The following DNAJC25 variants were observed in gnomAD, a reference collection of about 807,000 sequenced individuals.
DNAJC25 encodes dnaJ homolog subfamily C member 25.
In DNAJC25, 26 loss-of-function variants were observed where a neutral mutation model predicts 42.1. That is an observed-to-expected ratio of 0.62 (90% CI 0.45 to 0.86). DNAJC25 has a LOEUF of 0.86. Ranked by LOEUF, DNAJC25 falls within the 40% of genes least tolerant of loss-of-function variation. The pLI, the probability that DNAJC25 is intolerant of heterozygous loss-of-function variation, is 0.00. For missense variants in DNAJC25, 404 were observed against 459.4 expected, an observed-to-expected ratio of 0.88 and a Z score of 1.10; for synonymous variants, 189 against 179.9, an observed-to-expected ratio of 1.05 and a Z score of -0.40.
chr9:111,645,659 C>T (rs1830558448), intron 1 of DNAJC25, among the ~76,000 whole-genome samples: 1 of 152,178 alleles, frequency 6.6e-6, no homozygotes, highest in Non-Finnish European at 1.5e-5. Context: ...TGTTGGAGGA[C>T]TCAGAAGGTG....
In DNAJC25 at chr9:111,631,486, C is replaced by T. The variant is rs1235221492; in HGVS notation, c.79C>T (p.Leu27=). ...CTGGTGGATGCTGCTGGCGCCCCTG[C>T]TGCCGGCGCTGCTGCTGGTGCGGCC... ...RRWWMLLAPL[L]PALLLVRPAG... The change falls in exon 1 of 4, where the codon CTG becomes TTG. Residue 27 remains leucine (L), a synonymous_variant. Transcript: ENST00000313525. The T allele has an allele frequency of 1.5e-6, 2 of 1,323,474 alleles. No individual in the cohort carries two copies. The highest frequency in any genetic ancestry group is 4.2e-5 in the Admixed American group (1 of 24,034). The allele number at this position is 1,323,474 out of a possible 1,614,324, so 82.0% of individuals were successfully genotyped here.
intron 1 of DNAJC25, chr9:111,642,773 T>C (rs1830502317): frequency 2.2e-6 from 1 of 461,760 alleles, no homozygotes; most frequent in African/African-American, 2.0e-5. Flanking sequence ...GGATGACCCT[T>C]TAAGAGAAGG....
chr9:111,651,523 A>C (rs780076716), intron 3 of DNAJC25, among the ~76,000 whole-genome samples: 5 of 152,170 alleles, frequency 3.3e-5, no homozygotes, highest in Admixed American at 3.3e-4. Flanking sequence ...TTTCTTTCCA[A>C]AATTTGATGT....
Position 111,653,600 on chromosome 9 carries a change from C to A in DNAJC25, c.*378C>A, listed in dbSNP as rs1441474877. ...TACCTTACTGTTTGTAATAGTGCTA[C>A]ATTTTTCTGCTTTCATGGCCTCTGT... On this transcript the variant is annotated 3_prime_UTR_variant, in exon 4 of 4. Coordinates refer to ENST00000313525, the MANE Select transcript of DNAJC25 (RefSeq NM_001015882.3). 2.0e-5 allele frequency: 3 copies of A among 153,696 alleles called. No homozygotes were observed. The East Asian group carries it at 5.7e-4, about 29-fold the overall frequency. 9.5% of individuals were successfully genotyped at this position (153,696 alleles called of 1,614,324 possible).
rs754682829 is a variant in DNAJC25 at position 111,649,525 on chromosome 9, G to A, written c.562G>A (p.Ala188Thr). The change falls in exon 3 of 4, where the codon GCT (alanine) becomes ACT (threonine). Residue 188 changes from alanine to threonine, a missense_variant. Transcript: ENST00000313525. Reference sequence around the variant, plus strand: ...CACAGTGCCCAAGTACCGTATCCAAGCTACAGAGATTGCCAAGCAGCAGGG... The same window carrying A: ...CACAGTGCCCAAGTACCGTATCCAAACTACAGAGATTGCCAAGCAGCAGGG... The part of the protein sequence containing the change: ...LATVPKYRIQ[A>T]TEIAKQQGLL... 23 of 1,613,936 alleles carry A rather than the reference G, an allele frequency of 1.4e-5. No individual in the cohort carries two copies. The South Asian group carries it at 2.5e-4, about 18-fold the overall frequency.
intron 3 of DNAJC25, among the ~76,000 whole-genome samples, chr9:111,652,849 A>G (rs1375315247): frequency 2.6e-5 from 4 of 152,128 alleles, no homozygotes; most frequent in Non-Finnish European, 4.4e-5. Flanking sequence ...GCCCGGCCAC[A>G]AAATTACTAG....
chr9:111,635,686 C>T (rs578057882), intron 1 of DNAJC25, among the ~76,000 whole-genome samples: 1 of 152,242 alleles, frequency 6.6e-6, no homozygotes, highest in East Asian at 1.9e-4. Context: ...TGGCATTTTG[C>T]AGGATCACAA....
intron 3 of DNAJC25, among the ~76,000 whole-genome samples, chr9:111,651,183 G>A (rs547157520): frequency 2.7e-5 from 4 of 148,386 alleles, no homozygotes; most frequent in South Asian, 4.2e-4. Flanking sequence ...AGAATCACTC[G>A]AACCAGGGAG....
rs144929651 is a variant in DNAJC25 at position 111,652,981 on chromosome 9, A to G, written c.961-119A>G. Reference sequence around the variant, plus strand: ...TAGTATTTTAGGTGAATGGTTATCAATACATTCACTGGAAACTTTTTACCT... The same window carrying G: ...TAGTATTTTAGGTGAATGGTTATCAGTACATTCACTGGAAACTTTTTACCT... On this transcript the variant is annotated intron_variant, in intron 3 of 3. Coordinates refer to ENST00000313525, the MANE Select transcript of DNAJC25 (RefSeq NM_001015882.3). 4.8e-4 allele frequency: 499 copies of G among 1,034,820 alleles called. 6 individuals carry two copies. The East Asian group carries it at 0.014, about 28-fold the overall frequency. The allele number at this position is 1,034,820 out of a possible 1,614,324, so 64.1% of individuals were successfully genotyped here.
chr9:111,631,368 C>T lies in DNAJC25; in HGVS notation c.-40C>T. 1.6e-6 allele frequency: 2 copies of T among 1,271,696 alleles called. No individual in the cohort carries two copies. Among genetic ancestry groups the T allele is most frequent in the Non-Finnish European group, 2.0e-6 (2 of 1,013,414 alleles). The allele number at this position is 1,271,696 out of a possible 1,614,324, so 78.8% of individuals were successfully genotyped here. Reference sequence around the variant, plus strand: ...TAGCCGGGCGCGCGGCTGAGTGCTGCAGAATCGCTGGGGTGGCAGAGCCGC... The same window carrying T: ...TAGCCGGGCGCGCGGCTGAGTGCTGTAGAATCGCTGGGGTGGCAGAGCCGC... On this transcript the variant is annotated 5_prime_UTR_variant, in exon 1 of 4. Coordinates refer to ENST00000313525, the MANE Select transcript of DNAJC25 (RefSeq NM_001015882.3).
intron 1 of DNAJC25, among the ~76,000 whole-genome samples, chr9:111,637,983 A>C (rs1830388437): frequency 1.3e-5 from 2 of 152,126 alleles, no homozygotes. Flanking sequence ...GATGAAACTC[A>C]ACTGTATCCT....
chr9:111,632,392 G>A (rs780619906), intron 1 of DNAJC25, among the ~76,000 whole-genome samples: 1 of 152,142 alleles, frequency 6.6e-6, no homozygotes, highest in Non-Finnish European at 1.5e-5. Context: ...TGTGCGAACC[G>A]CCCCCCTTTC....
intron 1 of DNAJC25, among the ~76,000 whole-genome samples, chr9:111,634,726 GT>G (rs75920536): frequency 0.3 from 43,718 of 146,420 alleles, 6,998 homozygotes; most frequent in East Asian, 0.45. Context: ...AGGGGGTTTT[GT>G]TTTTTTTTTT....
intron 3 of DNAJC25, among the ~76,000 whole-genome samples, chr9:111,651,474 G>GTCTTAGTC (rs1830660329): frequency 1.3e-5 from 2 of 152,080 alleles, no homozygotes; most frequent in Non-Finnish European, 2.9e-5. Flanking sequence ...GTATGAAGTT[G>GTCTTAGTC]TCTTAGTCTT....
Position 111,631,479 on chromosome 9 carries a change from G to C in DNAJC25, c.72G>C (p.Ala24=). 2.3e-6 allele frequency: 3 copies of C among 1,321,966 alleles called. No individual in the cohort carries two copies. Among genetic ancestry groups the C allele is most frequent in the Non-Finnish European group, 2.9e-6 (3 of 1,042,492 alleles). The allele number at this position is 1,321,966 out of a possible 1,614,324, so 81.9% of individuals were successfully genotyped here. The change falls in exon 1 of 4, where the codon GCG becomes GCC. Residue 24 remains alanine, a synonymous_variant. Transcript: ENST00000313525. ...AAGRRWWMLL[A]PLLPALLLVR... is the part of the protein sequence containing the mutation. ...GCCGGCGCTGGTGGATGCTGCTGGC[G>C]CCCCTGCTGCCGGCGCTGCTGCTGG...
chr9:111,648,073 G>A (rs1279257106), intron 2 of DNAJC25, among the ~76,000 whole-genome samples: 3 of 152,174 alleles, frequency 2.0e-5, no homozygotes, highest in Non-Finnish European at 2.9e-5. Context: ...CACTGTGCCC[G>A]GCCAGGAACT....
chr9:111,649,794 T>C lies in DNAJC25; in HGVS notation c.831T>C (p.Tyr277=), dbSNP rs767868785. 1.9e-6 allele frequency: 3 copies of C among 1,613,986 alleles called. No individual in the cohort carries two copies. Among genetic ancestry groups the C allele is most frequent in the Non-Finnish European group, 1.7e-6 (2 of 1,179,958 alleles). ...IYNFNIKGKE[Y]GEEERLYIIR... ...ATTTTAACATCAAAGGCAAAGAATATGGAGAGGAAGAGAGATTATACATTA... is the reference window on the plus strand; with the variant it reads ...ATTTTAACATCAAAGGCAAAGAATACGGAGAGGAAGAGAGATTATACATTA... Residue 277 remains tyrosine, a synonymous_variant, in exon 3 of 4, where the codon TAT becomes TAC. Coordinates refer to ENST00000313525, the MANE Select transcript of DNAJC25 (RefSeq NM_001015882.3).
chr9:111,653,420 A>G lies in DNAJC25; in HGVS notation c.*198A>G. 1.9e-6 allele frequency: 1 copy of G among 522,440 alleles called. No homozygotes were observed. 32.4% of individuals were successfully genotyped at this position (522,440 alleles called of 1,614,324 possible). On this transcript the variant is annotated 3_prime_UTR_variant, in exon 4 of 4. Coordinates refer to ENST00000313525, the MANE Select transcript of DNAJC25 (RefSeq NM_001015882.3). ...AGACATTTATGATTGTTCAATTTTT[A>G]TAATCTATTTGTGGATTTTGTTAAA...
chr9:111,649,364 G>A, intron 2 of DNAJC25, 89 bp from the exon 3 acceptor site: 1 of 1,438,290 alleles, frequency 7.0e-7, no homozygotes, highest in Non-Finnish European at 9.1e-7. Context: ...TTTCTTGGGA[G>A]ATGGTATTCA....
Sources: allele counts gnomAD v4.1 joint callset (sites outside exome capture counted in the v4.1 genomes callset), GRCh38; gene constraint gnomAD v4.1.1; transcripts MANE v1.5; gene names NCBI Gene and HGNC (gene_info 2026-07-23, HGNC 2026-07-21).